Variants in RCOR2 observed in about 807,000 individuals in gnomAD.
RCOR2 encodes the protein REST corepressor 2.
RCOR2 carries 19 observed loss-of-function variants against 58.9 expected under a neutral mutation model. The ratio of observed to expected loss-of-function variants is 0.32; its 90% CI spans 0.23 to 0.47. RCOR2 has a LOEUF of 0.47. RCOR2 is among the 20% of genes least tolerant of loss of function. The probability of loss-of-function intolerance (pLI) is 1.00; values close to 1 mark genes in which losing one functional copy is unlikely to be tolerated. For synonymous variants in RCOR2, 286 were observed against 278.7 expected (o/e 1.03, Z -0.26); for missense variants, 590 against 707.9 (o/e 0.83, Z 1.89).
chr11:63,920,827 T>G (rs542585553), upstream of RCOR2, among the ~76,000 whole-genome samples: 1 of 152,084 alleles, frequency 6.6e-6, no homozygotes, highest in Non-Finnish European at 1.5e-5. Context: ...CCCAGGGTGC[T>G]GCCCTCCCCT....
upstream of RCOR2, among the ~76,000 whole-genome samples, chr11:63,920,346 G>T (rs546151674): frequency 4.6e-5 from 7 of 152,354 alleles, no homozygotes; most frequent in South Asian, 1.2e-3. Flanking sequence ...GGTGACCTTG[G>T]GCAAGCCATC....
chr11:63,926,063 C>T, the RCOR2 span, among the ~76,000 whole-genome samples: 11 of 152,112 alleles, frequency 7.2e-5, no homozygotes, highest in African/African-American at 2.7e-4. Flanking sequence ...GCACCCACCA[C>T]CATGCCCGGC....
At position 63,912,525 on chromosome 11, in the gene RCOR2, C is replaced by T. The variant is rs1411039482; in HGVS notation, c.1037G>A (p.Arg346Lys). 4 of 1,612,274 alleles carry T rather than the reference C, an allele frequency of 2.5e-6. No individual in the cohort carries two copies. Among genetic ancestry groups the T allele is most frequent in the Admixed American group, 3.3e-5 (2 of 60,022 alleles). Residue 346 changes from arginine (R) to lysine (K), a missense_variant, in exon 11 of 12, where the codon AGG becomes AAG. Arg to Lys is a conservative substitution (Grantham distance 26). This residue lies in a region of RCOR2 where 390 missense variants were observed against 478.7 expected (regional missense o/e 0.81). Transcript: ENST00000301459. ...AATAGCCCCAAAGTCTTTGCCATAC[C>T]TACGGATGGCTGCAAGGGTCAAAAG... ...EQLLAVQAIR[R>K]YGKDFGAIAE...
In RCOR2 at chr11:63,912,745, G is replaced by C; in HGVS notation, c.970-12C>G. On this transcript the variant is annotated splice_polypyrimidine_tract_variant and intron_variant, in intron 9 of 11. Coordinates refer to ENST00000301459, the MANE Select transcript of RCOR2 (RefSeq NM_173587.4). ...AACTTGGTGTTGGCCTGGAAAGCAAGGAACAACATATCCTTTAGACTCAAA... is the reference window on the plus strand; with the variant it reads ...AACTTGGTGTTGGCCTGGAAAGCAACGAACAACATATCCTTTAGACTCAAA... 1 of 1,613,888 alleles carries C rather than the reference G, an allele frequency of 6.2e-7. No homozygotes were observed. The highest frequency in any genetic ancestry group is 1.7e-5 in the Admixed American group (1 of 60,024).
At chr11:63,912,584 C>G (rs754218963) in intron 10 of RCOR2, 50 bp from the exon 11 acceptor site, 1 of 1,590,068 alleles carries the variant, frequency 6.3e-7, no homozygotes, top group Non-Finnish European at 8.6e-7. Context: ...GAACTAGTTA[C>G]TTCCCTGACC....
upstream of RCOR2, among the ~76,000 whole-genome samples, chr11:63,917,481 C>T (rs1234510070): frequency 6.6e-6 from 1 of 152,064 alleles, no homozygotes; most frequent in Non-Finnish European, 1.5e-5. Flanking sequence ...GGGTTACTGC[C>T]GCCTGCCCCG....
At chr11:63,914,590 C>G (rs576853617) in intron 5 of RCOR2, 49 bp from the exon 6 acceptor site, 2 of 1,611,306 alleles carry the variant, frequency 1.2e-6, no homozygotes. Context: ...ACTCTGGGCC[C>G]CAGGTAAGCT....
the RCOR2 span, among the ~76,000 whole-genome samples, chr11:63,924,907 A>ATCT: frequency 1.3e-5 from 2 of 148,928 alleles, no homozygotes; most frequent in Non-Finnish European, 1.5e-5. Context: ...CTGGAGTGCA[A>ATCT]TGGCGCGATC....
chr11:63,920,555 C>T (rs1048119567), upstream of RCOR2, among the ~76,000 whole-genome samples: 2 of 152,150 alleles, frequency 1.3e-5, no homozygotes, highest in African/African-American at 4.8e-5. Flanking sequence ...GGGAGAGAGG[C>T]AGCGGGAGGG....
chr11:63,914,182 G>A lies in RCOR2; in HGVS notation c.676-13C>T. 3 of 1,613,498 alleles carry A rather than the reference G, an allele frequency of 1.9e-6. No homozygotes were observed. The highest frequency in any genetic ancestry group is 2.2e-5 in the East Asian group (1 of 44,864). On this transcript the variant is annotated splice_polypyrimidine_tract_variant and intron_variant, in intron 7 of 11. Transcript: ENST00000301459. ...GAGAGGGTAGAGGCTGCCAGTGAAA[G>A]GAGAGGCAGGTAGGTGGTGCAGAGC...
intron 9 of RCOR2, 33 bp downstream of exon 9, chr11:63,912,837 C>G: frequency 6.2e-7 from 1 of 1,610,452 alleles, no homozygotes. Context: ...AGAGAAACCC[C>G]CCTTTGCACC....
chr11:63,915,623 G>T lies in RCOR2; in HGVS notation c.128-12C>A, dbSNP rs531440547. ...GCGGATCATGCTGTCTGTGGAGCCAGGGGGAGGCAGTCAGGACTCCAGGGA... is the reference window on the plus strand; with the variant it reads ...GCGGATCATGCTGTCTGTGGAGCCATGGGGAGGCAGTCAGGACTCCAGGGA... On this transcript the variant is annotated splice_polypyrimidine_tract_variant and intron_variant, in intron 1 of 11. Transcript: ENST00000301459. 2 of 1,551,310 alleles carry T rather than the reference G, an allele frequency of 1.3e-6. No homozygotes were observed. The highest frequency in any genetic ancestry group is 1.4e-5 in the African/African-American group (1 of 73,292).
chr11:63,927,639 C>T, the RCOR2 span, among the ~76,000 whole-genome samples: 184 of 152,272 alleles, frequency 1.2e-3, 1 homozygote, highest in African/African-American at 4.3e-3. Flanking sequence ...ACCCCAGCAA[C>T]TTACACAGTT....
rs768336564 is a variant in RCOR2, at chr11:63,912,651, C to G, written c.1027+25G>C. 24 of 1,612,876 alleles carry G rather than the reference C, an allele frequency of 1.5e-5. 1 individual carries two copies. The Admixed American group carries it at 4.0e-4, about 27-fold the overall frequency. Reference sequence around the variant, plus strand: ...TGGGGAGATAGATTCCTGGGGTCCTCTCTTCTCACCACAGTTTAACCCACC... The same window carrying G: ...TGGGGAGATAGATTCCTGGGGTCCTGTCTTCTCACCACAGTTTAACCCACC... On this transcript the variant is annotated intron_variant, in intron 10 of 11. Coordinates refer to ENST00000301459, the MANE Select transcript of RCOR2 (RefSeq NM_173587.4).
the RCOR2 span, among the ~76,000 whole-genome samples, chr11:63,923,244 T>G: frequency 3.9e-5 from 6 of 151,946 alleles, no homozygotes. Flanking sequence ...TCCTTACTCA[T>G]GTTTGTCTTC....
chr11:63,923,156 G>A, the RCOR2 span, among the ~76,000 whole-genome samples: 1 of 151,770 alleles, frequency 6.6e-6, no homozygotes, highest in Non-Finnish European at 1.5e-5. Context: ...CTCACTCCCA[G>A]GCTTTGCATC....
Position 63,915,210 on chromosome 11 carries a change from C to A in RCOR2, c.233G>T (p.Trp78Leu). 6.4e-7 allele frequency: 1 copy of A among 1,551,478 alleles called. No homozygotes were observed. Among genetic ancestry groups the A allele is most frequent in the South Asian group, 1.2e-5 (1 of 84,102 alleles). ...SNKELKGMLVWSPNHCVSDAK... is the reference protein window; with the variant it reads ...SNKELKGMLVLSPNHCVSDAK... ...ATCTGACACACAGTGGTTGGGTGAC[C>A]ACACCAGCATCCCCTTCAGCTCCTT... is the stretch of plus-strand genomic sequence containing the variant. Residue 78 changes from tryptophan to leucine, a missense_variant, in exon 3 of 12, where the codon TGG becomes TTG. Transcript: ENST00000301459.
chr11:63,919,692 A>G (rs1171808773), upstream of RCOR2, among the ~76,000 whole-genome samples: 2 of 152,192 alleles, frequency 1.3e-5, no homozygotes, highest in Admixed American at 6.5e-5. Context: ...CGCGGCCGAG[A>G]ACCCGGGGCC....
Position 63,911,916 on chromosome 11 carries a change from G to A in RCOR2, c.1521C>T (p.Pro507=). ...PRHSARPGPQ[P]PPTLIGTPLE... ...GAGGGGTTCCAATCAGGGTGGGTGG[G>A]GGCTGAGGGCCAGGGCGGGCGCTGT... Residue 507 remains proline (P), a synonymous_variant, in exon 12 of 12, where the codon CCC becomes CCT. Transcript: ENST00000301459. The A allele has an allele frequency of 7.6e-7, 1 of 1,311,664 alleles. No homozygotes were observed. The highest frequency in any genetic ancestry group is 1.0e-6 in the Non-Finnish European group (1 of 982,670). 81.3% of individuals were successfully genotyped at this position (1,311,664 alleles called of 1,614,324 possible). A position where few individuals can be genotyped will look rare whatever the true frequency, so the allele number is the denominator to read the frequency against.
Sources: allele counts gnomAD v4.1 joint callset (sites outside exome capture counted in the v4.1 genomes callset), GRCh38; gene constraint gnomAD v4.1.1; regional missense constraint gnomAD v4.1.1; transcripts MANE v1.5; gene names NCBI Gene and HGNC (gene_info 2026-07-23, HGNC 2026-07-21).